CHST9: variants seen among roughly 807,000 people sequenced by gnomAD.
CHST9 encodes the protein carbohydrate sulfotransferase 9, also known as GalNAc-4-sulfotransferase 2.
In CHST9, 41 loss-of-function variants were observed where a neutral mutation model predicts 44.4. That is an observed-to-expected ratio of 0.92 (90% CI 0.72 to 1.20). The LOEUF (loss-of-function observed/expected upper bound fraction) is 1.20, where lower values mean the gene tolerates loss of function less well. Among genes scored for constraint, CHST9 ranks in the 50% most tolerant of loss-of-function variants. The pLI is 0.00. For synonymous variants in CHST9, 171 were observed against 178.4 expected (o/e 0.96, Z 0.33); for missense variants, 504 against 516.5 (o/e 0.98, Z 0.23).
chr18:27,155,025 T>A (rs556078380), intron 1 of CHST9, among the ~76,000 whole-genome samples: 12 of 147,414 alleles, frequency 8.1e-5, no homozygotes, highest in African/African-American at 3.0e-4. Context: ...GAGGTTGCAG[T>A]GAGCCAAGGT....
intron 2 of CHST9, among the ~76,000 whole-genome samples, chr18:27,093,026 C>T (rs2058084303): frequency 6.6e-6 from 1 of 152,128 alleles, no homozygotes; most frequent in African/African-American, 2.4e-5. Flanking sequence ...CTATTCCAGA[C>T]CCTGTTTGTC....
intron 1 of CHST9, among the ~76,000 whole-genome samples, chr18:27,165,791 G>A (rs958741542): frequency 1.3e-5 from 2 of 152,162 alleles, no homozygotes; most frequent in African/African-American, 4.8e-5. Context: ...GTAACTTAGT[G>A]CTACTATCTT....
chr18:27,130,839 A>G (rs958903789), intron 2 of CHST9, among the ~76,000 whole-genome samples: 4 of 152,232 alleles, frequency 2.6e-5, no homozygotes, highest in African/African-American at 9.6e-5. Context: ...AGAAAAAGCA[A>G]GTTGCCAAAG....
At chr18:26,983,134 G>A (rs2056712933) in intron 4 of CHST9, among the ~76,000 whole-genome samples, 1 of 152,166 alleles carries the variant, frequency 6.6e-6, no homozygotes, top group South Asian at 2.1e-4. Context: ...ACCAAGCATG[G>A]TAGGTTAGGG....
intron 4 of CHST9, among the ~76,000 whole-genome samples, chr18:27,003,627 T>C (rs1422922656): frequency 1.3e-5 from 2 of 152,168 alleles, no homozygotes; most frequent in Non-Finnish European, 2.9e-5. Flanking sequence ...CATCTGATAT[T>C]CCTCACATAT....
chr18:26,944,894 A>T (rs2056139456), intron 4 of CHST9, among the ~76,000 whole-genome samples: 1 of 152,212 alleles, frequency 6.6e-6, no homozygotes, highest in Non-Finnish European at 1.5e-5. Flanking sequence ...ACAAACCAAC[A>T]GTTCTATAAA....
At chr18:27,172,177 C>T (rs2058838460) in intron 1 of CHST9, among the ~76,000 whole-genome samples, 2 of 152,138 alleles carry the variant, frequency 1.3e-5, no homozygotes, top group South Asian at 2.1e-4. Flanking sequence ...TAATTACCTA[C>T]ACAAATTGCT....
intron 2 of CHST9, among the ~76,000 whole-genome samples, chr18:27,102,336 G>GA (rs1480595364): frequency 6.6e-6 from 1 of 152,174 alleles, no homozygotes; most frequent in Non-Finnish European, 1.5e-5. Flanking sequence ...AGAACAGATT[G>GA]ATGGCCATGG....
intron 3 of CHST9, among the ~76,000 whole-genome samples, chr18:27,029,941 A>C (rs971072407): frequency 1.3e-5 from 2 of 152,220 alleles, no homozygotes; most frequent in African/African-American, 4.8e-5. Flanking sequence ...AATACTATTT[A>C]AGCACCAGTT....
intron 2 of CHST9, among the ~76,000 whole-genome samples, chr18:27,128,440 T>A (rs893544420): frequency 3.9e-5 from 6 of 152,094 alleles, no homozygotes; most frequent in Admixed American, 2.0e-4. Context: ...CGGCTAATTT[T>A]TGTATTTTTA....
intron 1 of CHST9, among the ~76,000 whole-genome samples, chr18:27,171,678 T>C (rs1387764189): frequency 6.6e-6 from 1 of 152,166 alleles, no homozygotes; most frequent in Admixed American, 6.5e-5. Flanking sequence ...TCTAAACTGG[T>C]CAGTAAATAC....
chr18:27,089,043 A>T lies in CHST9; in HGVS notation c.122-40540T>A, dbSNP rs553898332. Among the ~76,000 whole-genome samples, 558 of 152,352 alleles carry T rather than the reference A, an allele frequency of 3.7e-3. 2 individuals carry two copies. The highest frequency in any genetic ancestry group is 5.2e-3 in the Non-Finnish European group (354 of 68,032). On this transcript the variant is annotated intron_variant, in intron 2 of 5. Coordinates refer to ENST00000618847, the MANE Select transcript of CHST9 (RefSeq NM_031422.6). ...AAGCTAACAGCCTGGTTAGTTTTCC[A>T]TAGTTTCCAACTTCACACTATTCGT...
intron 2 of CHST9, among the ~76,000 whole-genome samples, chr18:27,110,182 G>A (rs927385119): frequency 2.6e-5 from 4 of 151,480 alleles, no homozygotes; most frequent in African/African-American, 9.7e-5. Context: ...TTGAAAAAAG[G>A]TTTGTTTTGC....
At chr18:27,033,985 C>T (rs767577046) in intron 3 of CHST9, among the ~76,000 whole-genome samples, 1 of 152,186 alleles carries the variant, frequency 6.6e-6, no homozygotes, top group Non-Finnish European at 1.5e-5. Flanking sequence ...CCTGTTCATT[C>T]CTTCTTCAAA....
At chr18:27,141,162 T>C (rs1440647155) in intron 2 of CHST9, among the ~76,000 whole-genome samples, 1 of 151,942 alleles carries the variant, frequency 6.6e-6, no homozygotes, top group Admixed American at 6.6e-5. Flanking sequence ...ATCGAGACCA[T>C]CCTGGCTAAT....
chr18:27,107,542 G>A (rs964751398), intron 2 of CHST9, among the ~76,000 whole-genome samples: 2 of 152,280 alleles, frequency 1.3e-5, no homozygotes, highest in South Asian at 4.1e-4. Context: ...CTGACATGCA[G>A]GCTTAGGTAA....
At chr18:27,067,521 T>C (rs1003236851) in intron 2 of CHST9, among the ~76,000 whole-genome samples, 2 of 152,128 alleles carry the variant, frequency 1.3e-5, no homozygotes, top group Non-Finnish European at 2.9e-5. Context: ...ACTAACTCAA[T>C]TCTGTCAATT....
At position 27,015,323 on chromosome 18, in the gene CHST9, T is replaced by TTGTGTGTGTGTG. The variant is rs10690815; in HGVS notation, c.202+8781_202+8792dup. ...GTTTAAATGATCACCAGAGAGGCAG[T>TTGTGTGTGTGTG]TGTGTGTGTGTGTGTGTGTGTGTGT... On this transcript the variant is annotated intron_variant, in intron 4 of 5. Coordinates refer to ENST00000618847, the MANE Select transcript of CHST9 (RefSeq NM_031422.6). Among the ~76,000 whole-genome samples, 912 of 146,428 alleles carry TTGTGTGTGTGTG rather than the reference T, an allele frequency of 6.2e-3. 11 individuals carry two copies. The highest frequency in any genetic ancestry group is 0.019 in the South Asian group (83 of 4,450).
At chr18:26,986,965 C>G (rs2056761082) in intron 4 of CHST9, among the ~76,000 whole-genome samples, 1 of 152,054 alleles carries the variant, frequency 6.6e-6, no homozygotes, top group Non-Finnish European at 1.5e-5. Context: ...TGTGTTTATA[C>G]AAAGGTATAA....
Sources: gnomAD v4.1 joint callset for allele counts (sites outside exome capture counted in the v4.1 genomes callset) on GRCh38, gnomAD v4.1.1 for gene constraint, MANE v1.5 for transcripts, NCBI Gene and HGNC (gene_info 2026-07-23, HGNC 2026-07-21) for gene names.